The following SAXO2 variants were observed in gnomAD, a reference collection of about 807,000 sequenced individuals.
SAXO2 encodes the protein stabilizer of axonemal microtubules 2, also known as family with sequence similarity 154, member B.
In SAXO2, 17 loss-of-function variants were observed where a neutral mutation model predicts 18.7. The observed-to-expected ratio is 0.91, with a 90% CI of 0.62 to 1.36. The LOEUF (loss-of-function observed/expected upper bound fraction) is 1.36. Among genes scored for constraint, SAXO2 ranks in the 40% most tolerant of loss-of-function variants. The pLI, the probability that SAXO2 is intolerant of heterozygous loss-of-function variation, is 0.00. For synonymous variants in SAXO2, 163 were observed against 181.2 expected, an observed-to-expected ratio of 0.90 and a Z score of 0.81; for missense variants, 486 against 562.6, an observed-to-expected ratio of 0.86 and a Z score of 1.38.
At chr15:82,278,229 C>T (rs2075332649) in intron 3 of SAXO2, among the ~76,000 whole-genome samples, 1 of 152,082 alleles carries the variant, frequency 6.6e-6, no homozygotes, top group African/African-American at 2.4e-5. Flanking sequence ...GTCTTGGGAC[C>T]AACAATTAGA....
At chr15:82,279,264 T>C (rs1488218056) in intron 3 of SAXO2, among the ~76,000 whole-genome samples, 1 of 152,320 alleles carries the variant, frequency 6.6e-6, no homozygotes, top group East Asian at 1.9e-4. Flanking sequence ...GACAATTTTA[T>C]CAGGTTGCCA....
intron 2 of SAXO2, among the ~76,000 whole-genome samples, chr15:82,270,084 G>C (rs537691771): frequency 6.6e-6 from 1 of 152,314 alleles, no homozygotes; most frequent in African/African-American, 2.4e-5. Context: ...GACCATCATA[G>C]ATACTGGTAT....
chr15:82,282,278 T>A lies in SAXO2; in HGVS notation c.593T>A (p.Val198Asp), dbSNP rs771983828. ...CAAAGCTTTAAACCCTCCTCTGTGGTCAAACGTTCTACAGCCCCTTTTAAT... is the reference window on the plus strand; with the variant it reads ...CAAAGCTTTAAACCCTCCTCTGTGGACAAACGTTCTACAGCCCCTTTTAAT... Reference protein sequence around the residue: ...PRQSFKPSSVVKRSTAPFNGI... With the variant: ...PRQSFKPSSVDKRSTAPFNGI... The change falls in exon 4 of 4, where the codon GTC (valine) becomes GAC (aspartate). Residue 198 changes from valine to aspartate, a missense_variant. Physicochemically the swap from Val to Asp is radical, Grantham distance 152 (BLOSUM62 -3). Transcript: ENST00000682753. 5.0e-6 allele frequency: 8 copies of A among 1,614,194 alleles called. No individual in the cohort carries two copies. The Admixed American group carries it at 1.2e-4, about 24-fold the overall frequency.
chr15:82,280,796 A>G (rs2075356525), intron 3 of SAXO2, among the ~76,000 whole-genome samples: 1 of 152,102 alleles, frequency 6.6e-6, no homozygotes, highest in African/African-American at 2.4e-5. Context: ...TATCTCACTC[A>G]TTATTTTCAA....
At chr15:82,273,786 A>G (rs1382702821) in intron 3 of SAXO2, among the ~76,000 whole-genome samples, 3 of 151,962 alleles carry the variant, frequency 2.0e-5, no homozygotes, top group Non-Finnish European at 4.4e-5. Context: ...CACCCAGACT[A>G]GAGTGTAGTG....
rs760517916 is a variant in SAXO2 at position 82,265,714 on chromosome 15, T to C, written c.199T>C (p.Cys67Arg). Residue 67 changes from cysteine (C) to arginine (R), a missense_variant, in exon 2 of 4, where the codon TGC (cysteine) becomes CGC (arginine). Coordinates refer to ENST00000682753, the MANE Select transcript of SAXO2 (RefSeq NM_001348699.2). ...TAAAGCCAAGCAAGAAATTCGAGCA[T>C]GCCATGGTAAAATGGAAGGAATAAC... ...SLKAKQEIRA[C>R]HGKMEGITTF... The C allele has an allele frequency of 4.6e-6, 7 of 1,530,356 alleles. No homozygotes were observed. The Admixed American group carries it at 1.2e-4, about 26-fold the overall frequency. The allele number at this position is 1,530,356 out of a possible 1,614,324, so 94.8% of individuals were successfully genotyped here.
intron 3 of SAXO2, among the ~76,000 whole-genome samples, chr15:82,275,306 A>AT (rs59770863): frequency 6.7e-6 from 1 of 149,522 alleles, no homozygotes; most frequent in African/African-American, 2.4e-5. Context: ...AAAAAAAAAA[A>AT]TGCCCCAGAC....
chr15:82,271,706 G>A lies in SAXO2; in HGVS notation c.337G>A (p.Asp113Asn). 1 of 1,614,078 alleles carries A rather than the reference G, an allele frequency of 6.2e-7. No individual in the cohort carries two copies. The highest frequency in any genetic ancestry group is 8.5e-7 in the Non-Finnish European group (1 of 1,179,970). The change falls in exon 3 of 4, where the codon GAT (aspartate) becomes AAT (asparagine). Residue 113 changes from aspartate to asparagine, a missense_variant. Asp to Asn is a conservative substitution (Grantham distance 23). Transcript: ENST00000682753. The part of the protein sequence containing the change: ...KIDLGTTYKR[D>N]LNSYKVQPVA... ...TGATCTTGGTACTACCTACAAACGG[G>A]ATTTGAATTCGTATAAAGTGCAGCC...
At chr15:82,282,044 G>A in intron 3 of SAXO2, 75 bp from the exon 4 acceptor site, 1 of 1,190,664 alleles carries the variant, frequency 8.4e-7, no homozygotes, top group Non-Finnish European at 1.2e-6. Context: ...AATGAGAGAA[G>A]TCAGTTATGA....
At chr15:82,274,540 A>G (rs1432964358) in intron 3 of SAXO2, among the ~76,000 whole-genome samples, 3 of 151,788 alleles carry the variant, frequency 2.0e-5, no homozygotes, top group African/African-American at 4.8e-5. Context: ...CATCTCTACT[A>G]AAAATACAAA....
rs1373898751 is a variant in SAXO2 at position 82,273,627 on chromosome 15, A to G, written c.433+1825A>G. 4.6e-5 allele frequency among the ~76,000 whole-genome samples: 7 copies of G among 150,620 alleles called. No individual in the cohort carries two copies. In the East Asian group the frequency reaches 1.3e-3, roughly 29 times the overall value. On this transcript the variant is annotated intron_variant, in intron 3 of 3. Coordinates refer to ENST00000682753, the MANE Select transcript of SAXO2 (RefSeq NM_001348699.2). ...TATGTGAATGGTGAAGAAGTATATT[A>G]TAATTAAATGTAGCATAGAGTAATT...
intron 1 of SAXO2, among the ~76,000 whole-genome samples, chr15:82,265,146 T>G (rs1175899935): frequency 1.3e-5 from 2 of 152,084 alleles, no homozygotes; most frequent in Admixed American, 6.5e-5. Flanking sequence ...GGTTTTTTTG[T>G]TTTTAGTTTT....
intron 3 of SAXO2, among the ~76,000 whole-genome samples, chr15:82,278,093 G>A (rs1031282022): frequency 1.3e-5 from 2 of 152,136 alleles, no homozygotes; most frequent in African/African-American, 4.8e-5. Context: ...CTGCAGGAAA[G>A]GCACCACTCT....
chr15:82,267,361 C>G (rs1035643981), intron 2 of SAXO2, among the ~76,000 whole-genome samples: 5 of 152,156 alleles, frequency 3.3e-5, no homozygotes, highest in African/African-American at 1.2e-4. Flanking sequence ...TTCTGATGAG[C>G]CTCTCCAAAG....
At chr15:82,269,962 T>C (rs1207454821) in intron 2 of SAXO2, among the ~76,000 whole-genome samples, 1 of 152,164 alleles carries the variant, frequency 6.6e-6, no homozygotes, top group East Asian at 1.9e-4. Context: ...TAGTGTTCAC[T>C]TAAATAGAGA....
intron 3 of SAXO2, among the ~76,000 whole-genome samples, chr15:82,275,281 C>CAA (rs756023248): frequency 0.079 from 3,624 of 45,814 alleles, 438 homozygotes; most frequent in African/African-American, 0.15. Context: ...ACCTATCAAC[C>CAA]AAAAAAAAAA....
At chr15:82,263,117 G>T in intron 1 of SAXO2, 185 bp downstream of exon 1, 4 of 1,478,920 alleles carry the variant, frequency 2.7e-6, no homozygotes, top group Non-Finnish European at 3.6e-6. Context: ...CTGCTACCCG[G>T]GGGTAAAACG....
Position 82,282,661 on chromosome 15 carries a change from A to AT in SAXO2, c.977dup (p.Arg327GlnfsTer9). ...ATATCAGGCCAACCATGTTGTTCCC[A>AT]TCAGGCCAGTTTCTCAAAAAAGAAG... On this transcript the variant is annotated frameshift_variant, in exon 4 of 4. Transcript: ENST00000682753. LOFTEE classifies it high-confidence loss of function. 8 of 1,614,188 alleles carry AT rather than the reference A, an allele frequency of 5.0e-6. No homozygotes were observed. The highest frequency in any genetic ancestry group is 6.8e-6 in the Non-Finnish European group (8 of 1,180,010).
In SAXO2 at chr15:82,283,270, T is replaced by G. The variant is rs1357777996; in HGVS notation, c.*208T>G. 11 of 354,656 alleles carry G rather than the reference T, an allele frequency of 3.1e-5. No homozygotes were observed. In the South Asian group the frequency reaches 8.1e-4, roughly 26 times the overall value. The allele number at this position is 354,656 out of a possible 1,614,324, so 22.0% of individuals were successfully genotyped here. On this transcript the variant is annotated 3_prime_UTR_variant, in exon 4 of 4. Coordinates refer to ENST00000682753, the MANE Select transcript of SAXO2 (RefSeq NM_001348699.2). ...TCAAGATTGTTCTTTAATGTGCATT[T>G]CAGAAGGTTGAATAATATGCATTCC...
Sources: allele counts gnomAD v4.1 joint callset (sites outside exome capture counted in the v4.1 genomes callset), GRCh38; gene constraint gnomAD v4.1.1; transcripts MANE v1.5; gene names NCBI Gene and HGNC (gene_info 2026-07-23, HGNC 2026-07-21).